The following FSHR variants were observed in gnomAD, a reference collection of about 807,000 sequenced individuals.
FSHR encodes follicle-stimulating hormone receptor.
A neutral mutation model predicts 52.1 loss-of-function variants in FSHR; 46 were observed. The ratio of observed to expected loss-of-function variants is 0.88; its 90% confidence interval spans 0.70 to 1.13. The LOEUF (loss-of-function observed/expected upper bound fraction) is 1.13. FSHR is among the 50% of genes most tolerant of loss of function. The pLI is 0.00. For synonymous variants in FSHR, 399 were observed against 309.6 expected (o/e 1.29, Z -3.03); for missense variants, 964 against 834.6 (o/e 1.16, Z -1.91).
At chr2:49,132,906 G>T (rs969504054) in intron 1 of FSHR, among the ~76,000 whole-genome samples, 25 of 141,018 alleles carry the variant, frequency 1.8e-4, no homozygotes, top group Non-Finnish European at 1.4e-4. Context: ...TTCTTGAAAT[G>T]GTCCTAAGGG....
At chr2:49,047,964 C>T (rs1467059379) in intron 2 of FSHR, among the ~76,000 whole-genome samples, 5 of 152,224 alleles carry the variant, frequency 3.3e-5, no homozygotes, top group Admixed American at 6.5e-5. Context: ...CGGCAAACTC[C>T]GCCTCCCAGG....
chr2:49,138,081 G>A (rs575480765), intron 1 of FSHR, among the ~76,000 whole-genome samples: 53 of 152,160 alleles, frequency 3.5e-4, no homozygotes, highest in African/African-American at 1.3e-3. Flanking sequence ...AGAAATTTAG[G>A]GGAGAGATAT....
chr2:49,026,775 T>C (rs1291413075), intron 2 of FSHR, among the ~76,000 whole-genome samples: 2 of 152,110 alleles, frequency 1.3e-5, no homozygotes, highest in African/African-American at 4.8e-5. Flanking sequence ...CTGTACACCA[T>C]ATTTACCCCA....
intron 4 of FSHR, among the ~76,000 whole-genome samples, chr2:49,011,725 G>A (rs558660529): frequency 6.6e-6 from 1 of 152,168 alleles, no homozygotes; most frequent in Non-Finnish European, 1.5e-5. Flanking sequence ...AGCAAATAAG[G>A]GAAGCAGCTG....
chr2:48,976,533 T>A (rs1573032168), intron 8 of FSHR, among the ~76,000 whole-genome samples: 1 of 152,176 alleles, frequency 6.6e-6, no homozygotes, highest in East Asian at 1.9e-4. Context: ...TTTTCTGTTG[T>A]TTGGAATAGT....
chr2:49,083,833 A>C lies in FSHR; in HGVS notation c.153-15543T>G, dbSNP rs1572720697. Among the ~76,000 whole-genome samples, 3 of 146,720 alleles carry C rather than the reference A, an allele frequency of 2.0e-5. No individual in the cohort carries two copies. The South Asian group carries it at 6.7e-4, about 33-fold the overall frequency. On this transcript the variant is annotated intron_variant, in intron 1 of 9. Coordinates refer to ENST00000406846, the MANE Select transcript of FSHR (RefSeq NM_000145.4). ...ATATGCACCCAATACAGGAGCACCCAGATGCATAAAGCAAGTCCTGAGTGA... is the reference window on the plus strand; with the variant it reads ...ATATGCACCCAATACAGGAGCACCCCGATGCATAAAGCAAGTCCTGAGTGA...
intron 4 of FSHR, among the ~76,000 whole-genome samples, chr2:49,000,684 C>T (rs953046011): frequency 1.3e-5 from 2 of 152,072 alleles, no homozygotes; most frequent in African/African-American, 4.8e-5. Flanking sequence ...TAGATTTTTC[C>T]CTTCCTATTC....
Position 49,034,492 on chromosome 2 carries a change from AG to A in FSHR, c.225-14333del, listed in dbSNP as rs568543967. 1.1e-4 allele frequency among the ~76,000 whole-genome samples: 16 copies of A among 152,292 alleles called. 1 individual carries two copies. In the South Asian group the frequency reaches 3.3e-3, roughly 32 times the overall value. On this transcript the variant is annotated intron_variant, in intron 2 of 9. Transcript: ENST00000406846. ...AGTTTTAGTTTTCCACTTGCTTATT[AG>A]TAGTGTGGTCTGGAAAAGACCCTTT...
intron 2 of FSHR, among the ~76,000 whole-genome samples, chr2:49,026,165 T>C (rs1160555762): frequency 6.6e-6 from 1 of 152,230 alleles, no homozygotes; most frequent in Non-Finnish European, 1.5e-5. Context: ...TAAAAGTACC[T>C]TCAGTGGCTC....
At chr2:49,104,833 C>G (rs1332482784) in intron 1 of FSHR, among the ~76,000 whole-genome samples, 1 of 123,418 alleles carries the variant, frequency 8.1e-6, no homozygotes, top group Non-Finnish European at 1.7e-5. Flanking sequence ...AGTGCCCCCT[C>G]TTGGTATGGG....
intron 8 of FSHR, among the ~76,000 whole-genome samples, chr2:48,973,469 C>A (rs977174938): frequency 2.6e-5 from 4 of 152,162 alleles, no homozygotes; most frequent in African/African-American, 9.7e-5. Context: ...TTGTTTTAAG[C>A]CATTAAATTT....
At chr2:49,067,371 A>G (rs1439945811) in intron 2 of FSHR, among the ~76,000 whole-genome samples, 1 of 152,146 alleles carries the variant, frequency 6.6e-6, no homozygotes, top group Non-Finnish European at 1.5e-5. Flanking sequence ...AACCAAAAAG[A>G]TAAAGTTAAT....
rs1504170 is a variant in FSHR, at chr2:49,072,085, G to C, written c.153-3795C>G. ...ACATATTGACCAAGAACTAGGTTAC[G>C]AAGAAAATTAGTATTAAAAAATTAC... On this transcript the variant is annotated intron_variant, in intron 1 of 9. Coordinates refer to ENST00000406846, the MANE Select transcript of FSHR (RefSeq NM_000145.4). Among the ~76,000 whole-genome samples, 7 of 152,064 alleles carry C rather than the reference G, an allele frequency of 4.6e-5. No homozygotes were observed. In the East Asian group the frequency reaches 1.3e-3, roughly 29 times the overall value.
chr2:49,117,410 G>A (rs1451569765), intron 1 of FSHR, among the ~76,000 whole-genome samples: 1 of 152,170 alleles, frequency 6.6e-6, no homozygotes, highest in Non-Finnish European at 1.5e-5. Flanking sequence ...TAATAATAGT[G>A]TACTGATGAA....
At chr2:49,020,813 G>A (rs1667667318) in intron 2 of FSHR, among the ~76,000 whole-genome samples, 1 of 152,032 alleles carries the variant, frequency 6.6e-6, no homozygotes, top group Non-Finnish European at 1.5e-5. Context: ...TATGTTTGTT[G>A]GCCCCATTAA....
At chr2:49,089,096 A>T (rs1442933750) in intron 1 of FSHR, among the ~76,000 whole-genome samples, 8 of 148,054 alleles carry the variant, frequency 5.4e-5, no homozygotes, top group Non-Finnish European at 8.9e-5. Context: ...TTCACTTCTA[A>T]TATAATATAA....
chr2:49,147,359 A>G (rs1327751774), intron 1 of FSHR, among the ~76,000 whole-genome samples: 1 of 152,092 alleles, frequency 6.6e-6, no homozygotes, highest in Non-Finnish European at 1.5e-5. Flanking sequence ...GTATAGTCCA[A>G]TCAACCACAG....
chr2:49,045,826 C>T (rs1235500877), intron 2 of FSHR, among the ~76,000 whole-genome samples: 1 of 152,196 alleles, frequency 6.6e-6, no homozygotes, highest in Non-Finnish European at 1.5e-5. Context: ...TGAGCAAAAA[C>T]ATGTGCATAT....
intron 2 of FSHR, among the ~76,000 whole-genome samples, chr2:49,060,323 T>G (rs1361945414): frequency 6.6e-6 from 1 of 152,044 alleles, no homozygotes; most frequent in Admixed American, 6.6e-5. Context: ...TATGATCCCA[T>G]TAGGTATTAG....
Sources: allele counts gnomAD v4.1 joint callset (sites outside exome capture counted in the v4.1 genomes callset), GRCh38; gene constraint gnomAD v4.1.1; transcripts MANE v1.5; gene names NCBI Gene and HGNC (gene_info 2026-07-23, HGNC 2026-07-21).